The following CCDC171 variants were observed in gnomAD, a reference collection of about 807,000 sequenced individuals.
CCDC171 encodes coiled-coil domain-containing protein 171.
A neutral mutation model predicts 168.2 loss-of-function variants in CCDC171; 177 were observed. That is an observed-to-expected ratio of 1.05 (90% CI 0.93 to 1.19). The LOEUF is 1.19. Among genes scored for constraint, CCDC171 ranks in the 50% most tolerant of loss-of-function variants. The pLI is 0.00. For synonymous variants in CCDC171, 687 were observed against 540.8 expected, an observed-to-expected ratio of 1.27 and a Z score of -3.75; for missense variants, 1,991 against 1,539.0, an observed-to-expected ratio of 1.29 and a Z score of -4.91.
At chr9:15,595,341 T>A (rs1292544170) in intron 6 of CCDC171, among the ~76,000 whole-genome samples, 1 of 152,068 alleles carries the variant, frequency 6.6e-6, no homozygotes, top group Non-Finnish European at 1.5e-5. Context: ...ATGTTCCCCT[T>A]CCTGTGTCCA....
chr9:15,996,689 G>C (rs539756626), intron 3 of CCDC171, among the ~76,000 whole-genome samples: 4 of 152,224 alleles, frequency 2.6e-5, no homozygotes, highest in Non-Finnish European at 5.9e-5. Flanking sequence ...CTATGGACAT[G>C]TATGTCAATC....
intron 9 of CCDC171, 22 bp from the exon 10 acceptor site, chr9:15,678,736 C>T (rs1057366997): frequency 4.5e-6 from 7 of 1,570,256 alleles, no homozygotes; most frequent in African/African-American, 1.4e-5. Context: ...GAAAAACCTG[C>T]TCTGACACTT....
At position 15,594,029 on chromosome 9, in the gene CCDC171, AT is replaced by A; in HGVS notation, c.544-9del. On this transcript the variant is annotated splice_polypyrimidine_tract_variant and intron_variant, in intron 5 of 25. Transcript: ENST00000380701. ...TGATCTAACAGTAAAGCAAGATTTT[AT>A]TTATATAAAGGAAGCGTTGGAAAAA... 1 of 1,565,082 alleles carries A rather than the reference AT, an allele frequency of 6.4e-7. No homozygotes were observed. Among genetic ancestry groups the A allele is most frequent in the Non-Finnish European group, 8.7e-7 (1 of 1,151,118 alleles).
chr9:15,702,117 A>G (rs981267051), intron 11 of CCDC171, among the ~76,000 whole-genome samples: 4 of 152,202 alleles, frequency 2.6e-5, no homozygotes, highest in African/African-American at 4.8e-5. Context: ...TACATTGTCA[A>G]TGAACAATAA....
At chr9:15,920,130 A>C (rs1564002153) in intron 24 of CCDC171, 140 bp from the exon 25 acceptor site, 2 of 472,540 alleles carry the variant, frequency 4.2e-6, no homozygotes, top group Non-Finnish European at 7.3e-6. Flanking sequence ...ATAAAATGTT[A>C]GGTTTAGCTT....
chr9:15,663,320 A>G (rs925357642), intron 8 of CCDC171, among the ~76,000 whole-genome samples: 56 of 152,160 alleles, frequency 3.7e-4, no homozygotes, highest in Non-Finnish European at 1.0e-4. Flanking sequence ...TCTTTAAACT[A>G]TTTTCTAAAA....
At chr9:16,061,344 C>A (rs1194911307), downstream of CCDC171, 1 of 152,198 alleles carries the variant, frequency 6.6e-6, no homozygotes, top group Non-Finnish European at 1.5e-5. Flanking sequence ...TGAGCTCTAA[C>A]ACTCTGTGAT....
chr9:15,604,955 T>C (rs2043113268), intron 6 of CCDC171, among the ~76,000 whole-genome samples: 1 of 152,220 alleles, frequency 6.6e-6, no homozygotes, highest in South Asian at 2.1e-4. Context: ...TCTCACTCTG[T>C]TGCCCATGTT....
intron 6 of CCDC171, among the ~76,000 whole-genome samples, chr9:15,620,625 A>G (rs1304143869): frequency 1.3e-5 from 2 of 152,224 alleles, no homozygotes; most frequent in Non-Finnish European, 2.9e-5. Flanking sequence ...CATTACTGAA[A>G]TGACAGCAAA....
chr9:15,607,112 T>G (rs2043284406), intron 6 of CCDC171, among the ~76,000 whole-genome samples: 1 of 152,180 alleles, frequency 6.6e-6, no homozygotes, highest in Non-Finnish European at 1.5e-5. Flanking sequence ...GCCATAAACT[T>G]AAAGCAAATA....
intron 24 of CCDC171, among the ~76,000 whole-genome samples, chr9:15,891,930 G>A (rs1049272646): frequency 1.3e-5 from 2 of 152,068 alleles, no homozygotes; most frequent in Admixed American, 6.6e-5. Flanking sequence ...CCTATGGGAC[G>A]CATGAGGATG....
chr9:15,665,528 C>G (rs896898962), intron 8 of CCDC171, among the ~76,000 whole-genome samples: 5 of 152,214 alleles, frequency 3.3e-5, no homozygotes, highest in Non-Finnish European at 1.5e-5. Flanking sequence ...TGCCTGTAAT[C>G]TCAGTGCTTT....
intron 3 of CCDC171, among the ~76,000 whole-genome samples, chr9:15,997,407 G>GC (rs1464190811): frequency 6.6e-6 from 1 of 152,216 alleles, no homozygotes; most frequent in East Asian, 1.9e-4. Flanking sequence ...GCTATAGGCT[G>GC]TGAGTTAACG....
intron 3 of CCDC171, among the ~76,000 whole-genome samples, chr9:15,983,480 T>C (rs985477006): frequency 3.5e-5 from 5 of 144,002 alleles, no homozygotes; most frequent in Admixed American, 2.9e-4. Flanking sequence ...TTGTGATCAG[T>C]TGTGTGTGTG....
At chr9:15,842,831 T>C (rs751234841) in intron 21 of CCDC171, among the ~76,000 whole-genome samples, 3 of 151,918 alleles carry the variant, frequency 2.0e-5, no homozygotes, top group Non-Finnish European at 4.4e-5. Context: ...TTTGAAGCTT[T>C]AGAAATATAA....
At chr9:15,619,650 T>C (rs1292876536) in intron 6 of CCDC171, among the ~76,000 whole-genome samples, 3 of 152,242 alleles carry the variant, frequency 2.0e-5, no homozygotes, top group Non-Finnish European at 4.4e-5. Context: ...ATGTAGAAGC[T>C]GCAGCAAGTA....
At chr9:15,914,063 A>G (rs891284062) in intron 24 of CCDC171, among the ~76,000 whole-genome samples, 3 of 152,276 alleles carry the variant, frequency 2.0e-5, no homozygotes, top group African/African-American at 4.8e-5. Context: ...GAGCGCTTGT[A>G]TATGAGGCGT....
In CCDC171 at chr9:15,677,927, A is replaced by ATATATATATATATATATAT. The variant is rs1491415268; in HGVS notation, c.1077-831_1077-830insTATATATATATATATATAT. On this transcript the variant is annotated intron_variant, in intron 9 of 25. Transcript: ENST00000380701. ...ATATATATATATATATATATATATA[A>ATATATATATATATATATAT]GAGATGTGGTCTCATTCTGTTACCT... Among the ~76,000 whole-genome samples, 2 of 29,286 alleles carry ATATATATATATATATATAT rather than the reference A, an allele frequency of 6.8e-5. 1 individual carries two copies. The highest frequency in any genetic ancestry group is 1.0e-3 in the Admixed American group (2 of 1,930). The allele number at this position is 29,286 out of a possible 152,430, so 19.2% of individuals were successfully genotyped here. A position where few individuals can be genotyped will look rare whatever the true frequency, so the allele number is the denominator to read the frequency against.
chr9:15,661,077 G>A (rs747252648), intron 8 of CCDC171, among the ~76,000 whole-genome samples: 11 of 152,088 alleles, frequency 7.2e-5, no homozygotes, highest in Non-Finnish European at 1.3e-4. Flanking sequence ...TCAGGAGATC[G>A]AGACCATCCT....
Sources: gnomAD v4.1 joint callset for allele counts (sites outside exome capture counted in the v4.1 genomes callset) on GRCh38, gnomAD v4.1.1 for gene constraint, MANE v1.5 for transcripts, NCBI Gene and HGNC (gene_info 2026-07-23, HGNC 2026-07-21) for gene names.